The following CARMIL1 variants were observed in gnomAD, a reference collection of about 807,000 sequenced individuals.
CARMIL1 encodes the protein F-actin-uncapping protein LRRC16A.
In CARMIL1, 90 loss-of-function variants were observed where a neutral mutation model predicts 177.1. That is an observed-to-expected ratio of 0.51 (90% CI 0.43 to 0.61). The LOEUF (loss-of-function observed/expected upper bound fraction) is 0.61, where lower values mean the gene tolerates loss of function less well. Ranked by LOEUF, CARMIL1 falls within the 20% of genes least tolerant of loss-of-function variation. The pLI is 0.00. For synonymous variants in CARMIL1, 577 were observed against 606.2 expected (o/e 0.95, Z 0.71); for missense variants, 1,380 against 1,667.0 (o/e 0.83, Z 3.00).
chr6:25,463,895 T>C (rs932371292), intron 8 of CARMIL1, among the ~76,000 whole-genome samples: 1 of 140,814 alleles, frequency 7.1e-6, no homozygotes, highest in Admixed American at 7.6e-5. Flanking sequence ...TGATCTCGGC[T>C]CACTGCAAGC....
At position 25,426,944 on chromosome 6, in the gene CARMIL1, A is replaced by C. The variant is rs144853331; in HGVS notation, c.249+384A>C. Among the ~76,000 whole-genome samples the C allele has an allele frequency of 4.6e-5, 7 of 152,310 alleles. No homozygotes were observed. The East Asian group carries it at 1.4e-3, about 29-fold the overall frequency. ...ATTTATTAAAATGCTGATTTAAAAA[A>C]ATAGCTTTATTGGGCTATAACTAAC... On this transcript the variant is annotated intron_variant, in intron 4 of 36. Transcript: ENST00000329474.
At position 25,402,275 on chromosome 6, in the gene CARMIL1, A is replaced by T. The variant is rs367602227; in HGVS notation, c.139-17839A>T. 3.3e-5 allele frequency among the ~76,000 whole-genome samples: 5 copies of T among 152,276 alleles called. No individual in the cohort carries two copies. The East Asian group carries it at 7.7e-4, about 23-fold the overall frequency. ...ACTCTTCTATCTTTATTTTTATGTGACATTTAGAATGTTAGCGTTGAATAC... is the reference window on the plus strand; with the variant it reads ...ACTCTTCTATCTTTATTTTTATGTGTCATTTAGAATGTTAGCGTTGAATAC... On this transcript the variant is annotated intron_variant, in intron 2 of 36. Coordinates refer to ENST00000329474, the MANE Select transcript of CARMIL1 (RefSeq NM_017640.6).
chr6:25,478,117 C>T (rs1177417072), intron 11 of CARMIL1, among the ~76,000 whole-genome samples: 1 of 152,090 alleles, frequency 6.6e-6, no homozygotes, highest in African/African-American at 2.4e-5. Context: ...ATTTAGACAC[C>T]ATTTAGAATC....
chr6:25,297,904 C>A (rs913269880), intron 2 of CARMIL1, among the ~76,000 whole-genome samples: 1 of 152,134 alleles, frequency 6.6e-6, no homozygotes, highest in Non-Finnish European at 1.5e-5. Context: ...GCCTTAAATT[C>A]AGGAATGGCT....
intron 2 of CARMIL1, among the ~76,000 whole-genome samples, chr6:25,383,025 A>AT (rs1342659451): frequency 6.6e-6 from 1 of 152,134 alleles, no homozygotes. Context: ...TGAAGTCCAA[A>AT]TGAGGGCAGA....
intron 2 of CARMIL1, among the ~76,000 whole-genome samples, chr6:25,417,113 G>T (rs572013230): frequency 6.6e-6 from 1 of 152,054 alleles, no homozygotes; most frequent in Admixed American, 6.6e-5. Flanking sequence ...TGAAAGAGGG[G>T]TCATATCCTG....
chr6:25,503,369 T>C (rs894599237), intron 17 of CARMIL1, among the ~76,000 whole-genome samples: 20 of 152,228 alleles, frequency 1.3e-4, no homozygotes, highest in African/African-American at 4.6e-4. Flanking sequence ...AACTATGTTA[T>C]AGTGTTTTAT....
chr6:25,488,909 G>T (rs1003410171), intron 13 of CARMIL1, among the ~76,000 whole-genome samples: 2 of 152,108 alleles, frequency 1.3e-5, no homozygotes, highest in African/African-American at 4.8e-5. Context: ...GCTCACACCT[G>T]TAATCCCAGC....
At chr6:25,279,869 C>A in intron 1 of CARMIL1, 34 bp downstream of exon 1, 1 of 1,610,342 alleles carries the variant, frequency 6.2e-7, no homozygotes, top group Non-Finnish European at 8.5e-7. Flanking sequence ...TTTCCACCTT[C>A]CTCTGCGTAC....
intron 2 of CARMIL1, among the ~76,000 whole-genome samples, chr6:25,338,999 A>G (rs1983584): frequency 0.43 from 65,153 of 151,874 alleles, 14,203 homozygotes; most frequent in African/African-American, 0.51. Flanking sequence ...TATACATTCT[A>G]TGAATGAAAA....
chr6:25,346,554 A>G lies in CARMIL1; in HGVS notation c.138+61645A>G, dbSNP rs374815126. 3.9e-5 allele frequency among the ~76,000 whole-genome samples: 6 copies of G among 152,190 alleles called. No individual in the cohort carries two copies. In the East Asian group the frequency reaches 1.2e-3, roughly 29 times the overall value. ...ATTCTAGTATTTAGCATAATCTAATAGAGTATATGTTTTGTTGATTTATCT... is the reference window on the plus strand; with the variant it reads ...ATTCTAGTATTTAGCATAATCTAATGGAGTATATGTTTTGTTGATTTATCT... On this transcript the variant is annotated intron_variant, in intron 2 of 36. Coordinates refer to ENST00000329474, the MANE Select transcript of CARMIL1 (RefSeq NM_017640.6).
chr6:25,386,317 A>G (rs980962863), intron 2 of CARMIL1, among the ~76,000 whole-genome samples: 5 of 152,048 alleles, frequency 3.3e-5, no homozygotes, highest in African/African-American at 9.7e-5. Context: ...CAGAGGCTCA[A>G]TCTTGGCTCA....
intron 2 of CARMIL1, among the ~76,000 whole-genome samples, chr6:25,403,625 T>C (rs1442161873): frequency 6.6e-6 from 1 of 152,208 alleles, no homozygotes; most frequent in Non-Finnish European, 1.5e-5. Flanking sequence ...GCGTTTGCTA[T>C]TCCCTCTGTC....
chr6:25,520,302 A>T lies in CARMIL1; in HGVS notation c.1933A>T (p.Thr645Ser). The T allele has an allele frequency of 6.4e-7, 1 of 1,563,324 alleles. No individual in the cohort carries two copies. Among genetic ancestry groups the T allele is most frequent in the Non-Finnish European group, 8.7e-7 (1 of 1,152,408 alleles). The change falls in exon 23 of 37, where the codon ACA becomes TCA. Residue 645 changes from threonine to serine, a missense_variant. By Grantham distance (58) the Thr-to-Ser change is moderately conservative. Transcript: ENST00000329474. Reference sequence around the variant, plus strand: ...GTATGATGCTTCTCAAGCCCTAAAAACAAACCCTGAAAAAACAGAAGACGC... The same window carrying T: ...GTATGATGCTTCTCAAGCCCTAAAATCAAACCCTGAAAAAACAGAAGACGC... Reference protein sequence around the residue: ...PMYDASQALKTNPEKTEDALQ... With the variant: ...PMYDASQALKSNPEKTEDALQ...
chr6:25,326,017 G>A lies in CARMIL1; in HGVS notation c.138+41108G>A, dbSNP rs1243758891. Among the ~76,000 whole-genome samples, 2 of 152,020 alleles carry A rather than the reference G, an allele frequency of 1.3e-5. No individual in the cohort carries two copies. The highest frequency in any genetic ancestry group is 6.6e-5 in the Admixed American group (1 of 15,260). On this transcript the variant is annotated intron_variant, in intron 2 of 36. Transcript: ENST00000329474. This position sits in a 1 kb window ranked among gnomAD's most constrained non-coding sequence, Gnocchi z 4.2. ...CCCTAGCAGTTGGGACTACAGGCGC[G>A]CACCAGCTCGCCCGGCTAATTTTTT...
intron 29 of CARMIL1, among the ~76,000 whole-genome samples, chr6:25,572,225 AT>A (rs1812132225): frequency 6.6e-6 from 1 of 152,222 alleles, no homozygotes; most frequent in African/African-American, 2.4e-5. Context: ...AATGAAGGAA[AT>A]AAAGTAATTT....
Position 25,326,429 on chromosome 6 carries a change from A to G in CARMIL1, c.138+41520A>G, listed in dbSNP as rs969815687. Among the ~76,000 whole-genome samples the G allele has an allele frequency of 3.3e-5, 5 of 152,188 alleles. No homozygotes were observed. Among genetic ancestry groups the G allele is most frequent in the East Asian group, 1.9e-4 (1 of 5,198 alleles). ...TTTACTGGGGAAATAACATAATCTG[A>G]TATGTTTAAAATGATTACTGAGGCT... is the stretch of plus-strand genomic sequence containing the variant. On this transcript the variant is annotated intron_variant, in intron 2 of 36. Transcript: ENST00000329474. This position sits in a 1 kb window ranked among gnomAD's most constrained non-coding sequence, Gnocchi z 4.2.
intron 31 of CARMIL1, among the ~76,000 whole-genome samples, chr6:25,584,983 G>C (rs941347530): frequency 1.3e-5 from 2 of 152,178 alleles, no homozygotes; most frequent in Admixed American, 6.5e-5. Context: ...TTTTCCCTTA[G>C]GGACTGTGTA....
intron 1 of CARMIL1, among the ~76,000 whole-genome samples, chr6:25,281,336 ATGAGTGTAGGGCAGGGCT>A (rs1164639337): frequency 6.6e-6 from 1 of 152,008 alleles, no homozygotes; most frequent in Non-Finnish European, 1.5e-5. Flanking sequence ...GGTCCTGAGA[ATGAGTGTAGGGCAGGGCT>A]TGCCTGGCTG....
Sources: gnomAD v4.1 joint callset for allele counts (sites outside exome capture counted in the v4.1 genomes callset) on GRCh38, gnomAD v4.1.1 for gene constraint, Gnocchi (gnomAD v3.1) non-coding constraint, MANE v1.5 for transcripts, NCBI Gene and HGNC (gene_info 2026-07-23, HGNC 2026-07-21) for gene names.